Variants in LRP1B observed in about 807,000 individuals in gnomAD.
The protein encoded by LRP1B is low-density lipoprotein receptor-related protein 1B.
In LRP1B, 217 loss-of-function variants were observed where a neutral mutation model predicts 556.6. The observed-to-expected ratio is 0.39, with a 90% CI of 0.35 to 0.44. LRP1B has a LOEUF of 0.44. LRP1B is among the 20% of genes least tolerant of loss of function. The probability of loss-of-function intolerance (pLI) is 1.00; values close to 1 mark genes in which losing one functional copy is unlikely to be tolerated. For synonymous variants in LRP1B, 2,047 were observed against 1,865.8 expected, an observed-to-expected ratio of 1.10 and a Z score of -2.50; for missense variants, 5,053 against 5,620.8, an observed-to-expected ratio of 0.90 and a Z score of 3.23.
At chr2:140,969,170 T>A (rs13019528) in intron 18 of LRP1B, among the ~76,000 whole-genome samples, 23,784 of 152,170 alleles carry the variant, frequency 0.16, 1,915 homozygotes, top group East Asian at 0.26. Flanking sequence ...AGTCTAAGTC[T>A]CTTTGTAGGT....
intron 23 of LRP1B, among the ~76,000 whole-genome samples, chr2:140,898,028 G>A (rs1238489892): frequency 6.6e-6 from 1 of 152,032 alleles, no homozygotes; most frequent in African/African-American, 2.4e-5. Flanking sequence ...TTTAGGAGCT[G>A]GCCATAAAGA....
chr2:141,514,511 A>T (rs1438929718), intron 2 of LRP1B, among the ~76,000 whole-genome samples: 2 of 152,082 alleles, frequency 1.3e-5, no homozygotes, highest in Non-Finnish European at 2.9e-5. Flanking sequence ...ACTTCTTCTT[A>T]TATCAGGGTT....
intron 70 of LRP1B, 115 bp from the exon 71 acceptor site, chr2:140,370,957 C>A: frequency 8.7e-7 from 1 of 1,155,472 alleles, no homozygotes. Context: ...GGCTTTCTTT[C>A]ATTTTGTCTT....
intron 7 of LRP1B, among the ~76,000 whole-genome samples, chr2:141,135,309 G>A (rs1430904068): frequency 6.6e-6 from 1 of 151,922 alleles, no homozygotes; most frequent in Non-Finnish European, 1.5e-5. Context: ...TATCTGCGTA[G>A]CACAATGTCC....
chr2:141,195,841 T>C (rs762312851), intron 6 of LRP1B, among the ~76,000 whole-genome samples: 1 of 152,052 alleles, frequency 6.6e-6, no homozygotes, highest in Non-Finnish European at 1.5e-5. Flanking sequence ...ACTAGTGTTA[T>C]GAAGAAAACA....
At chr2:140,303,703 C>T (rs548207518) in intron 83 of LRP1B, among the ~76,000 whole-genome samples, 1 of 152,034 alleles carries the variant, frequency 6.6e-6, no homozygotes, top group Admixed American at 6.6e-5. Context: ...TAGGTGTGCA[C>T]AACATGCGGG....
At chr2:141,599,903 C>T (rs1435595601) in intron 2 of LRP1B, among the ~76,000 whole-genome samples, 4 of 152,056 alleles carry the variant, frequency 2.6e-5, no homozygotes, top group Non-Finnish European at 4.4e-5. Context: ...TCCTTTCTCA[C>T]TTGGGCCACT....
intron 2 of LRP1B, among the ~76,000 whole-genome samples, chr2:141,611,191 C>A (rs1278018396): frequency 6.6e-6 from 1 of 152,194 alleles, no homozygotes; most frequent in Non-Finnish European, 1.5e-5. Context: ...GGAGCTACAT[C>A]TCCTCTGTAG....
intron 32 of LRP1B, among the ~76,000 whole-genome samples, chr2:140,802,162 G>A (rs370089026): frequency 9.9e-5 from 15 of 152,190 alleles, no homozygotes; most frequent in African/African-American, 3.4e-4. Context: ...ATTTTCCAGT[G>A]GTTGTCAATG....
intron 47 of LRP1B, among the ~76,000 whole-genome samples, chr2:140,529,523 A>G (rs1690595190): frequency 6.6e-6 from 1 of 151,758 alleles, no homozygotes; most frequent in African/African-American, 2.4e-5. Context: ...TTCACCCCTT[A>G]GGTTCTAAGG....
At chr2:141,706,063 C>A (rs927549282) in intron 2 of LRP1B, among the ~76,000 whole-genome samples, 1 of 151,984 alleles carries the variant, frequency 6.6e-6, no homozygotes, top group African/African-American at 2.4e-5. Flanking sequence ...TTCCTATAAA[C>A]CTATATGGAA....
chr2:140,652,885 T>C (rs1267207802), intron 41 of LRP1B, among the ~76,000 whole-genome samples: 1 of 152,016 alleles, frequency 6.6e-6, no homozygotes, highest in Non-Finnish European at 1.5e-5. Flanking sequence ...TTGTTGAAAA[T>C]AGTAATACAA....
chr2:141,847,012 G>T (rs1349437564), intron 1 of LRP1B, among the ~76,000 whole-genome samples: 1 of 151,358 alleles, frequency 6.6e-6, no homozygotes, highest in Non-Finnish European at 1.5e-5. Context: ...GAAAGAGGAG[G>T]CCTAAATGCT....
At chr2:140,796,765 T>A (rs1690330137) in intron 32 of LRP1B, among the ~76,000 whole-genome samples, 1 of 152,102 alleles carries the variant, frequency 6.6e-6, no homozygotes, top group Admixed American at 6.6e-5. Flanking sequence ...ATATTTAGCA[T>A]AATTATAGTG....
chr2:141,522,122 G>C (rs1684547838), intron 2 of LRP1B, among the ~76,000 whole-genome samples: 3 of 152,078 alleles, frequency 2.0e-5, no homozygotes, highest in Non-Finnish European at 2.9e-5. Context: ...CATCACCTAG[G>C]AACTTGCTAG....
chr2:140,820,787 T>A (rs1288436364), intron 31 of LRP1B, among the ~76,000 whole-genome samples: 1 of 152,132 alleles, frequency 6.6e-6, no homozygotes, highest in African/African-American at 2.4e-5. Context: ...TTTCCTTATG[T>A]TAGATTTGCT....
At chr2:141,645,205 T>A (rs1689508549) in intron 2 of LRP1B, among the ~76,000 whole-genome samples, 1 of 152,190 alleles carries the variant, frequency 6.6e-6, no homozygotes, top group Non-Finnish European at 1.5e-5. Context: ...TGGAAGACAA[T>A]AAGATTAGGA....
chr2:141,993,567 C>A (rs533308581), intron 1 of LRP1B, among the ~76,000 whole-genome samples: 2 of 152,158 alleles, frequency 1.3e-5, no homozygotes, highest in African/African-American at 4.8e-5. Context: ...GAGCTGATAG[C>A]CAATAGACAG....
chr2:141,436,400 G>A (rs1016202115), intron 3 of LRP1B, among the ~76,000 whole-genome samples: 1 of 152,178 alleles, frequency 6.6e-6, no homozygotes, highest in African/African-American at 2.4e-5. Context: ...AATGGTGGTT[G>A]CCAGGGGTTG....
Sources: allele counts gnomAD v4.1 joint callset (sites outside exome capture counted in the v4.1 genomes callset), GRCh38; gene constraint gnomAD v4.1.1; transcripts MANE v1.5; gene names NCBI Gene and HGNC (gene_info 2026-07-23, HGNC 2026-07-21).